PPARA: variants seen among roughly 807,000 people sequenced by gnomAD.
The protein encoded by PPARA is peroxisome proliferator activated receptor alpha, also known as peroxisome proliferator-activated receptor alpha.
Under a neutral mutation model 42.2 loss-of-function variants are expected in PPARA, and 22 were observed. The ratio of observed to expected loss-of-function variants is 0.52; its 90% CI spans 0.37 to 0.74. The LOEUF is 0.74. Among genes scored for constraint, PPARA ranks in the 30% least tolerant of loss-of-function variants. PPARA has a pLI of 0.00. For missense variants in PPARA, 465 were observed against 608.2 expected (o/e 0.76, Z 2.48); for synonymous variants, 242 against 239.3 (o/e 1.01, Z -0.10).
At position 46,205,537 on chromosome 22, in the gene PPARA, TATATATATATATATATA is replaced by T. The variant is rs1294248535; in HGVS notation, c.208+6947_208+6963del. 4.4e-3 allele frequency among the ~76,000 whole-genome samples: 153 copies of T among 35,104 alleles called. 3 individuals carry two copies. The highest frequency in any genetic ancestry group is 0.018 in the African/African-American group (131 of 7,324). The allele number at this position is 35,104 out of a possible 152,430, so 23.0% of individuals were successfully genotyped here. ...GCCCAGCCATATATATATATATATA[TATATATATATATATATA>T]TTTTTTTTTTTTTTTTTTTTTTTTT... On this transcript the variant is annotated intron_variant, in intron 4 of 8. Coordinates refer to ENST00000407236, the MANE Select transcript of PPARA (RefSeq NM_005036.6).
Position 46,183,686 on chromosome 22 carries a change from G to C in PPARA, c.-43+6850G>C, listed in dbSNP as rs1203407129. ...GAGCCTGGGAGGTCGATATTGCAGT[G>C]AGCTGTAATTGCACCATGCACTCCA... On this transcript the variant is annotated intron_variant, in intron 3 of 8. Coordinates refer to ENST00000407236, the MANE Select transcript of PPARA (RefSeq NM_005036.6). This position sits in a 1 kb window ranked among gnomAD's most constrained non-coding sequence, Gnocchi z 5.5. Among the ~76,000 whole-genome samples, 1 of 152,212 alleles carries C rather than the reference G, an allele frequency of 6.6e-6. No individual in the cohort carries two copies. The highest frequency in any genetic ancestry group is 2.4e-5 in the African/African-American group (1 of 41,452).
intron 3 of PPARA, among the ~76,000 whole-genome samples, 171 bp downstream of exon 3, chr22:46,177,007 G>A (rs970336603): frequency 7.9e-5 from 12 of 152,182 alleles, no homozygotes; most frequent in South Asian, 6.2e-4. Flanking sequence ...TTAGGAGATT[G>A]AGACCATCCT....
Position 46,180,471 on chromosome 22 carries a change from T to A in PPARA, c.-43+3635T>A, listed in dbSNP as rs1057325852. 6.6e-6 allele frequency among the ~76,000 whole-genome samples: 1 copy of A among 152,210 alleles called. No individual in the cohort carries two copies. The highest frequency in any genetic ancestry group is 1.5e-5 in the Non-Finnish European group (1 of 68,034). The stretch of plus-strand genomic sequence containing the variant: ...AAACATTAATCTTATCTAGCCTCCA[T>A]GTATTTTGTAAGTTCTGTAAATTCC... On this transcript the variant is annotated intron_variant, in intron 3 of 8. Transcript: ENST00000407236. The surrounding 1 kb of genome is among the most constrained non-coding windows in gnomAD (Gnocchi z 4.2).
chr22:46,175,503 G>A (rs1928897520), intron 2 of PPARA, among the ~76,000 whole-genome samples: 1 of 151,868 alleles, frequency 6.6e-6, no homozygotes, highest in African/African-American at 2.4e-5. Context: ...CACGAGGTCA[G>A]GAGATCGAGA....
At chr22:46,172,742 G>C (rs1412876360) in intron 2 of PPARA, among the ~76,000 whole-genome samples, 1 of 152,222 alleles carries the variant, frequency 6.6e-6, no homozygotes, top group Admixed American at 6.5e-5. Flanking sequence ...TGGATTCAAG[G>C]CATGTTGACA....
rs111225851 is a variant in PPARA at position 46,216,383 on chromosome 22, CA to C, written c.369+1064del. On this transcript the variant is annotated intron_variant, in intron 5 of 8. Transcript: ENST00000407236. The surrounding 1 kb of genome is among the most constrained non-coding windows in gnomAD (Gnocchi z 4.5). Reference sequence around the variant, plus strand: ...AGGCGACAAGAGTAAAACTTCATCTCAAAAAAAAAAAAAAGAGAGAAAAGAA... The same window carrying C: ...AGGCGACAAGAGTAAAACTTCATCTCAAAAAAAAAAAAAGAGAGAAAAGAA... 0.24 allele frequency among the ~76,000 whole-genome samples: 32,077 copies of C among 131,228 alleles called. 3,796 individuals carry two copies. Among genetic ancestry groups the C allele is most frequent in the African/African-American group, 0.34 (12,687 of 37,156 alleles). The allele number at this position is 131,228 out of a possible 152,430, so 86.1% of individuals were successfully genotyped here.
At chr22:46,152,658 T>A (rs1453783746) in intron 2 of PPARA, among the ~76,000 whole-genome samples, 1 of 152,174 alleles carries the variant, frequency 6.6e-6, no homozygotes, top group Non-Finnish European at 1.5e-5. Flanking sequence ...CTTCTTGAGA[T>A]AGACCCGTGC....
intron 3 of PPARA, among the ~76,000 whole-genome samples, chr22:46,181,873 C>A (rs2147266056): frequency 6.6e-6 from 1 of 152,316 alleles, no homozygotes; most frequent in Admixed American, 6.5e-5. Flanking sequence ...CTTCACCAGA[C>A]ACCTCAGGTG....
intron 3 of PPARA, among the ~76,000 whole-genome samples, chr22:46,179,489 T>C (rs1929639741): frequency 6.6e-6 from 1 of 152,078 alleles, no homozygotes; most frequent in Non-Finnish European, 1.5e-5. Flanking sequence ...CAATAAATGG[T>C]GCTGGTGCAA....
chr22:46,174,088 G>A (rs1928536011), intron 2 of PPARA, among the ~76,000 whole-genome samples: 1 of 151,096 alleles, frequency 6.6e-6, no homozygotes, highest in South Asian at 2.1e-4. Flanking sequence ...TGAGGCAGGA[G>A]AATTGCTTGA....
At chr22:46,218,156 T>C (rs927905895) in intron 5 of PPARA, 107 bp from the exon 6 acceptor site, 7 of 1,428,456 alleles carry the variant, frequency 4.9e-6, no homozygotes, top group Admixed American at 1.9e-5. Context: ...TAAATTTTGT[T>C]CATTTAAAAA....
Position 46,231,745 on chromosome 22 carries a change from T to C in PPARA, c.712-47T>C. 1 of 1,557,800 alleles carries C rather than the reference T, an allele frequency of 6.4e-7. No individual in the cohort carries two copies. Among genetic ancestry groups the C allele is most frequent in the Non-Finnish European group, 8.8e-7 (1 of 1,136,058 alleles). Reference sequence around the variant, plus strand: ...ATTAGTGAGCTGATAGCTGGGAGCATAGCGCATCCCACATCACCTGACTTA... The same window carrying C: ...ATTAGTGAGCTGATAGCTGGGAGCACAGCGCATCCCACATCACCTGACTTA... On this transcript the variant is annotated intron_variant, in intron 7 of 8. Transcript: ENST00000407236. This position sits in a 1 kb window ranked among gnomAD's most constrained non-coding sequence, Gnocchi z 7.7.
chr22:46,152,663 C>T lies in PPARA; in HGVS notation c.-127+693C>T, dbSNP rs544996080. On this transcript the variant is annotated intron_variant, in intron 2 of 8. Transcript: ENST00000407236. The stretch of plus-strand genomic sequence containing the variant: ...AAGCAGATGGCTTCTTGAGATAGAC[C>T]CGTGCCAGAACATGCCAGGGATAGG... 4.7e-3 allele frequency among the ~76,000 whole-genome samples: 712 copies of T among 152,176 alleles called. 1 individual carries two copies. Among genetic ancestry groups the T allele is most frequent in the Middle Eastern group, 0.01 (3 of 294 alleles).
rs899721655 is a variant in PPARA, at chr22:46,211,269, C to T, written c.209-3904C>T. On this transcript the variant is annotated intron_variant, in intron 4 of 8. Transcript: ENST00000407236. This position sits in a 1 kb window ranked among gnomAD's most constrained non-coding sequence, Gnocchi z 4.1. ...TTACCAGATGGATCGTTCTAGCCTC[C>T]TCCACTTGCCTACCTGTCAATTCAC... Among the ~76,000 whole-genome samples the T allele has an allele frequency of 2.6e-5, 4 of 152,184 alleles. No individual in the cohort carries two copies. Among genetic ancestry groups the T allele is most frequent in the Non-Finnish European group, 5.9e-5 (4 of 68,036 alleles).
At chr22:46,213,697 C>G (rs1934163326) in intron 4 of PPARA, among the ~76,000 whole-genome samples, 1 of 151,966 alleles carries the variant, frequency 6.6e-6, no homozygotes, top group African/African-American at 2.4e-5. Context: ...TCACGCCATT[C>G]TCCTGCCTCA....
At position 46,227,402 on chromosome 22, in the gene PPARA, C is replaced by A. The variant is rs545460375; in HGVS notation, c.712-4390C>A. ...AAGTAGCTGGGATTACAGGTGCCAG[C>A]CACCACACCCGACTAATTTTTGTAT... On this transcript the variant is annotated intron_variant, in intron 7 of 8. Coordinates refer to ENST00000407236, the MANE Select transcript of PPARA (RefSeq NM_005036.6). The surrounding 1 kb of genome is among the most constrained non-coding windows in gnomAD (Gnocchi z 4.3). Among the ~76,000 whole-genome samples, 4 of 152,158 alleles carry A rather than the reference C, an allele frequency of 2.6e-5. No homozygotes were observed. Among genetic ancestry groups the A allele is most frequent in the African/African-American group, 9.7e-5 (4 of 41,436 alleles).
rs1175105752 is a variant in PPARA, at chr22:46,192,167, C to T, written c.-42-6175C>T. Among the ~76,000 whole-genome samples, 1 of 152,224 alleles carries T rather than the reference C, an allele frequency of 6.6e-6. No individual in the cohort carries two copies. Among genetic ancestry groups the T allele is most frequent in the Non-Finnish European group, 1.5e-5 (1 of 68,038 alleles). On this transcript the variant is annotated intron_variant, in intron 3 of 8. Coordinates refer to ENST00000407236, the MANE Select transcript of PPARA (RefSeq NM_005036.6). The surrounding 1 kb of genome is among the most constrained non-coding windows in gnomAD (Gnocchi z 4.3). Reference sequence around the variant, plus strand: ...ATTAGGTGAATATGTTCCCTAGCCTCACAAAGCATACAGTCTAGTAGGAGA... The same window carrying T: ...ATTAGGTGAATATGTTCCCTAGCCTTACAAAGCATACAGTCTAGTAGGAGA...
chr22:46,166,261 A>C (rs1927036898), intron 2 of PPARA, among the ~76,000 whole-genome samples: 1 of 152,218 alleles, frequency 6.6e-6, no homozygotes, highest in South Asian at 2.1e-4. Flanking sequence ...CACAGACTGC[A>C]AAGCATATGG....
rs771321194 is a variant in PPARA at position 46,219,996 on chromosome 22, A to G, written c.693A>G (p.Gly231=). Residue 231 remains glycine (G), a synonymous_variant, in exon 7 of 9, where the codon GGA becomes GGG. Coordinates refer to ENST00000407236, the MANE Select transcript of PPARA (RefSeq NM_005036.6). This position sits in a 1 kb window ranked among gnomAD's most constrained non-coding sequence, Gnocchi z 4.8. ...TCAAAGCCCGGGTCATCCTCTCAGG[A>G]AAGGCCAGTAACAATCCAGTAGGTG... is the stretch of plus-strand genomic sequence containing the variant. ...NKVKARVILS[G]KASNNPPFVI... 1 of 1,614,154 alleles carries G rather than the reference A, an allele frequency of 6.2e-7. No homozygotes were observed. The highest frequency in any genetic ancestry group is 8.5e-7 in the Non-Finnish European group (1 of 1,180,044).
Sources: allele counts gnomAD v4.1 joint callset (sites outside exome capture counted in the v4.1 genomes callset), GRCh38; gene constraint gnomAD v4.1.1; non-coding constraint Gnocchi (gnomAD v3.1); transcripts MANE v1.5; gene names NCBI Gene and HGNC (gene_info 2026-07-23, HGNC 2026-07-21).